The following PUS7L variants were observed in gnomAD, a reference collection of about 807,000 sequenced individuals.
PUS7L encodes pseudouridylate synthase PUS7L.
PUS7L carries 49 observed loss-of-function variants against 51.1 expected under a neutral mutation model. That is an observed-to-expected ratio of 0.96 (90% CI 0.76 to 1.22). The LOEUF (loss-of-function observed/expected upper bound fraction) is 1.22, where lower values mean the gene tolerates loss of function less well. Ranked by LOEUF, PUS7L falls within the 50% of genes most tolerant of loss-of-function variation. The probability of loss-of-function intolerance (pLI) is 0.00; values close to 1 mark genes in which losing one functional copy is unlikely to be tolerated. For synonymous variants in PUS7L, 277 were observed against 276.2 expected, an observed-to-expected ratio of 1.00 and a Z score of -0.03; for missense variants, 828 against 820.6, an observed-to-expected ratio of 1.01 and a Z score of -0.11.
Position 43,730,322 on chromosome 12 carries a change from GCC to G in PUS7L, c.*52_*53del. ...CATGGAAGGTGCTTAAGACATTTTA[GCC>G]CCCTTTCCTTCAAAGAGTGACATAT... On this transcript the variant is annotated 3_prime_UTR_variant, in exon 9 of 9. Coordinates refer to ENST00000344862, the MANE Select transcript of PUS7L (RefSeq NM_031292.5). 3 of 1,350,956 alleles carry G rather than the reference GCC, an allele frequency of 2.2e-6. No homozygotes were observed. The highest frequency in any genetic ancestry group is 3.1e-6 in the Non-Finnish European group (3 of 963,880). 83.7% of individuals were successfully genotyped at this position (1,350,956 alleles called of 1,614,324 possible). A position where few individuals can be genotyped will look rare whatever the true frequency, so the allele number is the denominator to read the frequency against.
intron 4 of PUS7L, among the ~76,000 whole-genome samples, chr12:43,744,521 A>T (rs11182243): frequency 0.36 from 54,109 of 152,040 alleles, 10,119 homozygotes; most frequent in South Asian, 0.47. Flanking sequence ...CCTATACGGA[A>T]CTGTGAGTTA....
In PUS7L at chr12:43,729,992, C is replaced by T. The variant is rs11182235; in HGVS notation, c.*384G>A. 0.064 allele frequency: 10,749 copies of T among 168,070 alleles called. 350 individuals are homozygous for T. Among genetic ancestry groups the T allele is most frequent in the Middle Eastern group, 0.16 (52 of 332 alleles). 10.4% of individuals were successfully genotyped at this position (168,070 alleles called of 1,614,324 possible). ...TTTCTCTCCAACATTTGCTTCACTG[C>T]GACCTAATTTTACTAGTGTTCTAAG... On this transcript the variant is annotated 3_prime_UTR_variant, in exon 9 of 9. Coordinates refer to ENST00000344862, the MANE Select transcript of PUS7L (RefSeq NM_031292.5).
chr12:43,723,381 A>G lies in PUS7L; in HGVS notation c.*6995T>C, dbSNP rs1944419474. The G allele has an allele frequency of 6.6e-6, 1 of 152,154 alleles. No individual in the cohort carries two copies. The highest frequency in any genetic ancestry group is 1.5e-5 in the Non-Finnish European group (1 of 67,970). The allele number at this position is 152,154 out of a possible 1,614,324, so 9.4% of individuals were successfully genotyped here. A position where few individuals can be genotyped will look rare whatever the true frequency, so the allele number is the denominator to read the frequency against. On this transcript the variant is annotated 3_prime_UTR_variant, in exon 9 of 9. Transcript: ENST00000344862. ...AAGCAGCATTTAGACTGAATAGTTC[A>G]AAGCATATTTTAAGAGGAGATCTCA...
Position 43,730,537 on chromosome 12 carries a change from AG to A in PUS7L, c.1944del (p.Cys649ValfsTer7). On this transcript the variant is annotated frameshift_variant, in exon 9 of 9. Coordinates refer to ENST00000344862, the MANE Select transcript of PUS7L (RefSeq NM_031292.5). LOFTEE classifies it low-confidence loss of function (END_TRUNC). ...TCCATTAGTTGGTATGAGAGATTACAGGGATGTTTCAAAATCTGTCTATAGC... is the reference window on the plus strand; with the variant it reads ...TCCATTAGTTGGTATGAGAGATTACAGGATGTTTCAAAATCTGTCTATAGC... ...PGCYRQILKH[P>X]CNLSYQLMED... 1 of 1,613,926 alleles carries A rather than the reference AG, an allele frequency of 6.2e-7. No homozygotes were observed. Among genetic ancestry groups the A allele is most frequent in the Non-Finnish European group, 8.5e-7 (1 of 1,179,882 alleles).
chr12:43,746,511 G>A (rs1041090655), intron 3 of PUS7L, among the ~76,000 whole-genome samples: 11 of 151,972 alleles, frequency 7.2e-5, no homozygotes, highest in African/African-American at 2.4e-4. Flanking sequence ...TCCTTAGCTC[G>A]AGTGACAGAA....
rs775126480 is a variant in PUS7L at position 43,754,640 on chromosome 12, T to G, written c.606A>C (p.Glu202Asp). ...NSEIVVKPNL[E>D]YKELCHLVSE... ...ATACCAAATGACAAAGTTCTTTATA[T>G]TCAAGATTTGGTTTTACAACAATTT... is the stretch of plus-strand genomic sequence containing the variant. Residue 202 changes from glutamate to aspartate, a missense_variant, in exon 2 of 9, where the codon GAA (glutamate) becomes GAC (aspartate). By Grantham distance (45) the Glu-to-Asp change is conservative. Coordinates refer to ENST00000344862, the MANE Select transcript of PUS7L (RefSeq NM_031292.5). 6.2e-7 allele frequency: 1 copy of G among 1,613,740 alleles called. No homozygotes were observed. The highest frequency in any genetic ancestry group is 2.2e-5 in the East Asian group (1 of 44,864).
chr12:43,748,689 A>T (rs1938295298), intron 2 of PUS7L, 80 bp from the exon 3 acceptor site: 1 of 1,040,768 alleles, frequency 9.6e-7, no homozygotes, highest in Non-Finnish European at 1.3e-6. Context: ...AGATTAGTAT[A>T]ATAAATCAAA....
At position 43,719,687 on chromosome 12, in the gene PUS7L, T is replaced by C. The variant is rs180706190; in HGVS notation, c.*10689A>G. The C allele has an allele frequency of 2.6e-5, 4 of 152,352 alleles. No homozygotes were observed. The highest frequency in any genetic ancestry group is 4.4e-5 in the Non-Finnish European group (3 of 68,032). 9.4% of individuals were successfully genotyped at this position (152,352 alleles called of 1,614,324 possible). ...TTATAGTATTCACATAACATAATAC[T>C]GTCAAATTATATTTTTAAATGAATT... is the stretch of plus-strand genomic sequence containing the variant. On this transcript the variant is annotated 3_prime_UTR_variant, in exon 9 of 9. Transcript: ENST00000344862.
chr12:43,746,341 A>T (rs958370777), intron 3 of PUS7L, 103 bp from the exon 4 acceptor site: 3 of 532,750 alleles, frequency 5.6e-6, no homozygotes, highest in Non-Finnish European at 9.7e-6. Flanking sequence ...TTATATGAGA[A>T]TACTAATACA....
rs1034493249 is a variant in PUS7L, at chr12:43,721,793, C to T, written c.*8583G>A. On this transcript the variant is annotated 3_prime_UTR_variant, in exon 9 of 9. Coordinates refer to ENST00000344862, the MANE Select transcript of PUS7L (RefSeq NM_031292.5). ...TAACATGGGAACATTTGCTATTAGGCTGAGCATCTCTAATCTGAAAATTCA... is the reference window on the plus strand; with the variant it reads ...TAACATGGGAACATTTGCTATTAGGTTGAGCATCTCTAATCTGAAAATTCA... The T allele has an allele frequency of 3.3e-5, 5 of 152,074 alleles. No individual in the cohort carries two copies. Among genetic ancestry groups the T allele is most frequent in the African/African-American group, 1.2e-4 (5 of 41,424 alleles). 9.4% of individuals were successfully genotyped at this position (152,074 alleles called of 1,614,324 possible). A position where few individuals can be genotyped will look rare whatever the true frequency, so the allele number is the denominator to read the frequency against.
rs1004096642 is a variant in PUS7L at position 43,723,964 on chromosome 12, CTCTT to C, written c.*6408_*6411del. On this transcript the variant is annotated 3_prime_UTR_variant, in exon 9 of 9. Transcript: ENST00000344862. ...AACCCATTAATTCCCTTAAATTTCC[CTCTT>C]TGATCTTTATGCAATCTTCAGTGTT... The C allele has an allele frequency of 1.3e-5, 2 of 152,048 alleles. No homozygotes were observed. Among genetic ancestry groups the C allele is most frequent in the Non-Finnish European group, 2.9e-5 (2 of 67,940 alleles). The allele number at this position is 152,048 out of a possible 1,614,324, so 9.4% of individuals were successfully genotyped here. A position where few individuals can be genotyped will look rare whatever the true frequency, so the allele number is the denominator to read the frequency against.
Position 43,730,553 on chromosome 12 carries a change from C to A in PUS7L, c.1929G>T (p.Gln643His). 1 of 1,613,880 alleles carries A rather than the reference C, an allele frequency of 6.2e-7. No homozygotes were observed. The highest frequency in any genetic ancestry group is 8.5e-7 in the Non-Finnish European group (1 of 1,179,866). Reference protein sequence around the residue: ...LKLNIPGCYRQILKHPCNLSY... With the variant: ...LKLNIPGCYRHILKHPCNLSY... Reference sequence around the variant, plus strand: ...AGAGATTACAGGGATGTTTCAAAATCTGTCTATAGCAACCTGGTATATTCA... The same window carrying A: ...AGAGATTACAGGGATGTTTCAAAATATGTCTATAGCAACCTGGTATATTCA... Residue 643 changes from glutamine (Q) to histidine (H), a missense_variant, in exon 9 of 9, where the codon CAG becomes CAT. Gln to His is a conservative substitution (Grantham distance 24). Transcript: ENST00000344862.
chr12:43,754,768 C>G lies in PUS7L; in HGVS notation c.478G>C (p.Glu160Gln). ...SKTELIGLPPEFSIGRILDKN... is the reference protein window; with the variant it reads ...SKTELIGLPPQFSIGRILDKN... ...TCAAGGATTCTGCCTATTGAGAATT[C>G]AGGAGGTAGTCCAATTAGCTCTGTT... Residue 160 changes from glutamate (E) to glutamine (Q), a missense_variant, in exon 2 of 9, where the codon GAA becomes CAA. Transcript: ENST00000344862. The G allele has an allele frequency of 6.2e-7, 1 of 1,613,982 alleles. No individual in the cohort carries two copies. Among genetic ancestry groups the G allele is most frequent in the African/African-American group, 1.3e-5 (1 of 75,064 alleles).
At position 43,730,142 on chromosome 12, in the gene PUS7L, CAT is replaced by C; in HGVS notation, c.*232_*233del. 1 of 481,460 alleles carries C rather than the reference CAT, an allele frequency of 2.1e-6. No individual in the cohort carries two copies. The highest frequency in any genetic ancestry group is 3.7e-6 in the Non-Finnish European group (1 of 270,148). The allele number at this position is 481,460 out of a possible 1,614,324, so 29.8% of individuals were successfully genotyped here. On this transcript the variant is annotated 3_prime_UTR_variant, in exon 9 of 9. Transcript: ENST00000344862. ...TGACACAGAATAAAGGTCACTGAAA[CAT>C]ATAATAGAAAAAAAACACAGGCTTT...
chr12:43,746,276 AC>A (rs1565639490), intron 3 of PUS7L, 38 bp from the exon 4 acceptor site: 3 of 926,480 alleles, frequency 3.2e-6, no homozygotes, highest in Non-Finnish European at 4.7e-6. Context: ...GTTAAATTTT[AC>A]ATTTAAAAAT....
Position 43,736,653 on chromosome 12 carries a change from T to C in PUS7L, c.1453A>G (p.Lys485Glu), listed in dbSNP as rs1027254010. 14 of 1,613,098 alleles carry C rather than the reference T, an allele frequency of 8.7e-6. No homozygotes were observed. The Admixed American group carries it at 2.3e-4, about 27-fold the overall frequency. Residue 485 changes from lysine to glutamate, a missense_variant, in exon 7 of 9, where the codon AAA (lysine) becomes GAA (glutamate). Physicochemically the swap from Lys to Glu is moderately conservative, Grantham distance 56 (BLOSUM62 1). Transcript: ENST00000344862. ...TCAGGCATCAATGAAAGTGTGCCTTTAGCATCCTCTGAAACAAAGGGTAAA... is the reference window on the plus strand; with the variant it reads ...TCAGGCATCAATGAAAGTGTGCCTTCAGCATCCTCTGAAACAAAGGGTAAA... ...KKYFLQTEDA[K>E]GTLSLMPEFK... is the part of the protein sequence containing the mutation.
chr12:43,746,227 A>T lies in PUS7L; in HGVS notation c.1082T>A (p.Ile361Asn), dbSNP rs1938165540. ...TCTTTTCTTTTCAATTTCTTTTTCAATATTTTTCAACCTGTAAGTAATAAA... is the reference window on the plus strand; with the variant it reads ...TCTTTTCTTTTCAATTTCTTTTTCATTATTTTTCAACCTGTAAGTAATAAA... Reference protein sequence around the residue: ...RKVTPERLKNIEKEIEKKRMN... With the variant: ...RKVTPERLKNNEKEIEKKRMN... The change falls in exon 4 of 9, where the codon ATT (isoleucine) becomes AAT (asparagine). Residue 361 changes from isoleucine to asparagine, a missense_variant. Physicochemically the swap from Ile to Asn is moderately radical, Grantham distance 149 (BLOSUM62 -3). Transcript: ENST00000344862. 1 of 1,309,434 alleles carries T rather than the reference A, an allele frequency of 7.6e-7. No individual in the cohort carries two copies. Among genetic ancestry groups the T allele is most frequent in the East Asian group, 2.4e-5 (1 of 41,080 alleles). 81.1% of individuals were successfully genotyped at this position (1,309,434 alleles called of 1,614,324 possible).
At chr12:43,730,861 TGA>T (rs1206482052) in intron 8 of PUS7L, among the ~76,000 whole-genome samples, 159 bp from the exon 9 acceptor site, 1 of 152,186 alleles carries the variant, frequency 6.6e-6, no homozygotes, top group Non-Finnish European at 1.5e-5. Flanking sequence ...TAATATGCTA[TGA>T]TATTTTTATG....
chr12:43,736,111 T>C (rs1944682119), intron 7 of PUS7L, among the ~76,000 whole-genome samples: 1 of 152,146 alleles, frequency 6.6e-6, no homozygotes, highest in African/African-American at 2.4e-5. Context: ...GTGCATTATT[T>C]GTGTAATCTT....
Sources: allele counts gnomAD v4.1 joint callset (sites outside exome capture counted in the v4.1 genomes callset), GRCh38; gene constraint gnomAD v4.1.1; transcripts MANE v1.5; gene names NCBI Gene and HGNC (gene_info 2026-07-23, HGNC 2026-07-21).